Variants in TRIM66 observed in about 807,000 individuals in gnomAD.
TRIM66 encodes the protein tripartite motif containing 66, also known as tripartite motif-containing protein 66.
TRIM66 carries 99 observed loss-of-function variants against 148.2 expected under a neutral mutation model. That is an observed-to-expected ratio of 0.67 (90% CI 0.57 to 0.79). The LOEUF (loss-of-function observed/expected upper bound fraction) is 0.79, where lower values mean the gene tolerates loss of function less well. TRIM66 is among the 30% of genes least tolerant of loss of function. The pLI is 0.00. For missense variants in TRIM66, 1,666 were observed against 1,697.9 expected, an observed-to-expected ratio of 0.98 and a Z score of 0.33; for synonymous variants, 616 against 635.9, an observed-to-expected ratio of 0.97 and a Z score of 0.47.
intron 3 of TRIM66, among the ~76,000 whole-genome samples, chr11:8,676,525 A>G (rs568915413): frequency 2.3e-4 from 35 of 152,348 alleles, no homozygotes; most frequent in Non-Finnish European, 3.8e-4. Context: ...TCAGGGAGGT[A>G]GCATGGCTTT....
intron 15 of TRIM66, among the ~76,000 whole-genome samples, chr11:8,631,937 G>T (rs991326704): frequency 1.3e-5 from 2 of 152,110 alleles, no homozygotes; most frequent in African/African-American, 4.8e-5. Context: ...ACTGACCACT[G>T]TGTAAATATG....
chr11:8,670,698 A>T (rs2038883732), intron 6 of TRIM66, among the ~76,000 whole-genome samples: 1 of 152,250 alleles, frequency 6.6e-6, no homozygotes, highest in Non-Finnish European at 1.5e-5. Flanking sequence ...CCACTTATAA[A>T]GACAGTAAGA....
upstream of TRIM66, chr11:8,682,958 G>A: frequency 8.4e-7 from 1 of 1,191,834 alleles, no homozygotes; most frequent in Admixed American, 2.5e-5. Flanking sequence ...GGTGGCCGGC[G>A]CGGGCCCGGG....
chr11:8,620,912 A>C (rs1339591217), intron 20 of TRIM66, 120 bp downstream of exon 20: 1 of 1,309,588 alleles, frequency 7.6e-7, no homozygotes, highest in Non-Finnish European at 1.0e-6. Flanking sequence ...CTGCAATTCA[A>C]GCAGGTCCAG....
intron 12 of TRIM66, among the ~76,000 whole-genome samples, chr11:8,645,348 C>T (rs1392782164): frequency 1.3e-5 from 2 of 152,196 alleles, no homozygotes; most frequent in Admixed American, 6.5e-5. Context: ...ATACTTCAAC[C>T]TTATCTCCAA....
intron 6 of TRIM66, among the ~76,000 whole-genome samples, chr11:8,663,618 C>CG (rs1240247552): frequency 3.3e-5 from 5 of 152,016 alleles, no homozygotes; most frequent in African/African-American, 9.6e-5. Flanking sequence ...ACCTTGGATG[C>CG]GGGGGGAGGG....
At chr11:8,654,710 GAC>G (rs1242474251) in intron 6 of TRIM66, 6 of 152,284 alleles carry the variant, frequency 3.9e-5, no homozygotes, top group Middle Eastern at 6.8e-3. Context: ...TAAGTATGAT[GAC>G]ATATAATGAA....
chr11:8,626,077 G>A (rs1445244301), intron 15 of TRIM66, among the ~76,000 whole-genome samples: 1 of 152,206 alleles, frequency 6.6e-6, no homozygotes, highest in Non-Finnish European at 1.5e-5. Context: ...GAGAAGAGAT[G>A]TAAAAGGTTT....
In TRIM66 at chr11:8,624,887, T is replaced by C; in HGVS notation, c.2652A>G (p.Leu884=). Residue 884 remains leucine (L), a synonymous_variant, in exon 16 of 25, where the codon CTA becomes CTG. Transcript: ENST00000646038. ...ASDHPQAGPS[L]MSGHTQAVPS... ...GCACAGCCTGGGTGTGACCAGACAT[T>C]AGGCTGGGCCCAGCCTGAGGGTGAT... 1 of 1,551,528 alleles carries C rather than the reference T, an allele frequency of 6.4e-7. No individual in the cohort carries two copies. The highest frequency in any genetic ancestry group is 1.2e-5 in the South Asian group (1 of 84,058).
chr11:8,666,811 T>C (rs775947953), intron 6 of TRIM66, among the ~76,000 whole-genome samples: 4 of 152,216 alleles, frequency 2.6e-5, no homozygotes, highest in Non-Finnish European at 5.9e-5. Flanking sequence ...TTCAGGTAAT[T>C]GTCATACATA....
intron 15 of TRIM66, among the ~76,000 whole-genome samples, chr11:8,630,141 C>T (rs1033520618): frequency 2.6e-5 from 4 of 152,150 alleles, no homozygotes; most frequent in African/African-American, 9.7e-5. Context: ...AGGGTAGGGC[C>T]AACCTTCAGA....
rs1349368484 is a variant in TRIM66, at chr11:8,647,999, T to C, written c.813A>G (p.Leu271=). The C allele has an allele frequency of 3.2e-6, 5 of 1,551,880 alleles. No individual in the cohort carries two copies. In the East Asian group the frequency reaches 9.8e-5, roughly 30 times the overall value. ...TTQVAHKKSS[L]QTSAKQIEDR... ...CCTCAATTTGCTTTGCAGATGTCTG[T>C]AGACTGGATTTCTTATGTGCCACCT... Residue 271 remains leucine, a synonymous_variant, in exon 10 of 25, where the codon CTA becomes CTG. Coordinates refer to ENST00000646038, the MANE Select transcript of TRIM66 (RefSeq NM_001388022.1).
chr11:8,621,913 T>C (rs1214289145), intron 18 of TRIM66, 94 bp from the exon 19 acceptor site: 4 of 1,241,502 alleles, frequency 3.2e-6, no homozygotes, highest in Non-Finnish European at 4.3e-6. Flanking sequence ...TGATGATTAA[T>C]ATTGAGTGTC....
intron 24 of TRIM66, 140 bp downstream of exon 24, chr11:8,618,610 C>T: frequency 1.3e-6 from 1 of 768,896 alleles, no homozygotes; most frequent in Non-Finnish European, 2.1e-6. Context: ...TCCCTGGGGG[C>T]TAAGGGGCTG....
intron 6 of TRIM66, among the ~76,000 whole-genome samples, chr11:8,660,114 A>G (rs2133373239): frequency 6.6e-6 from 1 of 152,306 alleles, no homozygotes; most frequent in African/African-American, 2.4e-5. Context: ...TCCTGACCTC[A>G]GGATATGTGA....
Position 8,645,904 on chromosome 11 carries a change from G to C in TRIM66, c.958-17C>G. The C allele has an allele frequency of 6.4e-7, 1 of 1,550,826 alleles. No individual in the cohort carries two copies. Among genetic ancestry groups the C allele is most frequent in the Non-Finnish European group, 8.7e-7 (1 of 1,146,552 alleles). On this transcript the variant is annotated splice_polypyrimidine_tract_variant and intron_variant, in intron 11 of 24. Transcript: ENST00000646038. The stretch of plus-strand genomic sequence containing the variant: ...AGTAATCCCCTGGGTACAGAGAGAA[G>C]ACAGAGTCCTTGATCCTGTTACTGG...
chr11:8,666,012 C>A (rs558189248), intron 6 of TRIM66, among the ~76,000 whole-genome samples: 1 of 151,880 alleles, frequency 6.6e-6, no homozygotes, highest in South Asian at 2.1e-4. Context: ...TGGAAGGTAA[C>A]CATGACCCAG....
At chr11:8,619,874 C>T (rs761506514) in intron 22 of TRIM66, among the ~76,000 whole-genome samples, 176 bp downstream of exon 22, 1 of 152,248 alleles carries the variant, frequency 6.6e-6, no homozygotes, top group Non-Finnish European at 1.5e-5. Context: ...GGAACCACCA[C>T]GCTCCTGCCC....
At chr11:8,669,549 AG>A (rs1440228999) in intron 6 of TRIM66, among the ~76,000 whole-genome samples, 4 of 151,926 alleles carry the variant, frequency 2.6e-5, no homozygotes, top group African/African-American at 9.7e-5. Context: ...AGGTTGACGC[AG>A]GAGAATCACT....
Sources: gnomAD v4.1 joint callset for allele counts (sites outside exome capture counted in the v4.1 genomes callset) on GRCh38, gnomAD v4.1.1 for gene constraint, MANE v1.5 for transcripts, NCBI Gene and HGNC (gene_info 2026-07-23, HGNC 2026-07-21) for gene names.